The following NCAM2 variants were observed in gnomAD, a reference collection of about 807,000 sequenced individuals.
The protein encoded by NCAM2 is N-CAM-2.
A neutral mutation model predicts 98.1 loss-of-function variants in NCAM2; 30 were observed. That is an observed-to-expected ratio of 0.31 (90% CI 0.23 to 0.41). NCAM2 has a LOEUF of 0.41. NCAM2 is among the 10% of genes least tolerant of loss of function. The probability of loss-of-function intolerance (pLI) is 1.00; values close to 1 mark genes in which losing one functional copy is unlikely to be tolerated. For synonymous variants in NCAM2, 368 were observed against 342.4 expected (o/e 1.07, Z -0.83); for missense variants, 867 against 1,005.8 (o/e 0.86, Z 1.87).
intron 5 of NCAM2, 32 bp from the exon 6 acceptor site, chr21:21,324,351 C>T (rs1721919958): frequency 1.3e-6 from 2 of 1,511,662 alleles, no homozygotes; most frequent in Middle Eastern, 1.8e-4. Flanking sequence ...GTGTTTTCGT[C>T]TCTATTTATT....
chr21:21,454,728 G>A (rs1044763144), intron 12 of NCAM2, among the ~76,000 whole-genome samples: 3 of 151,894 alleles, frequency 2.0e-5, no homozygotes, highest in African/African-American at 7.2e-5. Flanking sequence ...TATACAAATA[G>A]GTCTGGCTAA....
At chr21:21,125,371 G>GTAATATATAATATTTTACATATATATA (rs1459111049) in intron 1 of NCAM2, among the ~76,000 whole-genome samples, 1 of 145,662 alleles carries the variant, frequency 6.9e-6, no homozygotes, top group African/African-American at 2.5e-5. Flanking sequence ...ACATATATAT[G>GTAATATATAATATTTTACATATATATA]TAATATATAA....
chr21:21,053,997 C>A (rs2065164501), intron 1 of NCAM2, among the ~76,000 whole-genome samples: 1 of 150,008 alleles, frequency 6.7e-6, no homozygotes, highest in Non-Finnish European at 1.5e-5. Flanking sequence ...GTTATGATTT[C>A]CGTGTAAGTT....
chr21:21,218,415 G>A (rs1011751200), intron 1 of NCAM2, among the ~76,000 whole-genome samples: 2 of 152,166 alleles, frequency 1.3e-5, no homozygotes, highest in African/African-American at 4.8e-5. Flanking sequence ...GTTAAAGGTT[G>A]TTGTAGGCAG....
intron 1 of NCAM2, among the ~76,000 whole-genome samples, chr21:21,001,849 TAC>T (rs546172967): frequency 5.6e-4 from 85 of 152,308 alleles, no homozygotes; most frequent in African/African-American, 2.0e-3. Flanking sequence ...GTCATCTGCT[TAC>T]AGTTATTCTC....
intron 15 of NCAM2, among the ~76,000 whole-genome samples, chr21:21,492,544 T>C (rs2146311554): frequency 6.6e-6 from 1 of 152,080 alleles, no homozygotes; most frequent in Non-Finnish European, 1.5e-5. Context: ...TTTTCATCAC[T>C]TTCTTGTTTT....
At chr21:21,374,392 T>G (rs551702194) in intron 9 of NCAM2, among the ~76,000 whole-genome samples, 27 of 152,068 alleles carry the variant, frequency 1.8e-4, no homozygotes, top group African/African-American at 6.5e-4. Flanking sequence ...TTACATTTCT[T>G]ATTCAAATTG....
intron 5 of NCAM2, among the ~76,000 whole-genome samples, chr21:21,308,163 G>A (rs1038653889): frequency 6.6e-6 from 1 of 151,912 alleles, no homozygotes; most frequent in Non-Finnish European, 1.5e-5. Flanking sequence ...TAATGTTAAA[G>A]TTATTAGAAA....
In NCAM2 at chr21:21,538,130, ATTG is replaced by A; in HGVS notation, c.*186_*188del. 14 of 384,632 alleles carry A rather than the reference ATTG, an allele frequency of 3.6e-5. No individual in the cohort carries two copies. The highest frequency in any genetic ancestry group is 6.2e-5 in the Non-Finnish European group (13 of 209,648). 23.8% of individuals were successfully genotyped at this position (384,632 alleles called of 1,614,324 possible). A position where few individuals can be genotyped will look rare whatever the true frequency, so the allele number is the denominator to read the frequency against. On this transcript the variant is annotated 3_prime_UTR_variant, in exon 18 of 18. Transcript: ENST00000400546. ...TGCCCATGATCCATTCCCTTTTGTT[ATTG>A]TTGTTGTTGTTGCTGTTGTTGTTAA...
At chr21:21,023,475 C>T (rs1418995984) in intron 1 of NCAM2, among the ~76,000 whole-genome samples, 2 of 150,396 alleles carry the variant, frequency 1.3e-5, no homozygotes, top group African/African-American at 2.5e-5. Flanking sequence ...AGTGAGCCAA[C>T]GTTGTGCCAC....
chr21:21,072,210 C>T (rs2065587745), intron 1 of NCAM2, among the ~76,000 whole-genome samples: 1 of 152,106 alleles, frequency 6.6e-6, no homozygotes, highest in Admixed American at 6.6e-5. Flanking sequence ...CAGCACCTGG[C>T]CTATTTGTAA....
At chr21:21,529,177 G>A (rs927782414) in intron 16 of NCAM2, among the ~76,000 whole-genome samples, 3 of 151,928 alleles carry the variant, frequency 2.0e-5, no homozygotes, top group Admixed American at 2.0e-4. Flanking sequence ...GGATCCAATG[G>A]TTATTGTGAG....
intron 15 of NCAM2, among the ~76,000 whole-genome samples, chr21:21,481,737 A>T (rs1447423970): frequency 6.6e-6 from 1 of 152,194 alleles, no homozygotes; most frequent in South Asian, 2.1e-4. Flanking sequence ...CCTCTAAACC[A>T]TGTAGCTGAT....
intron 12 of NCAM2, among the ~76,000 whole-genome samples, chr21:21,434,104 C>A (rs1272735213): frequency 1.3e-5 from 2 of 152,182 alleles, no homozygotes; most frequent in African/African-American, 4.8e-5. Flanking sequence ...TTTTATCTTA[C>A]CTGTCCATCT....
In NCAM2 at chr21:21,541,428, T is replaced by G. The variant is rs1247299223; in HGVS notation, c.*3471T>G. On this transcript the variant is annotated 3_prime_UTR_variant, in exon 18 of 18. Coordinates refer to ENST00000400546, the MANE Select transcript of NCAM2 (RefSeq NM_004540.5). ...TTTACTTTAATTCATGTCAAAACAATTCTTTTTATACACACACATGAAATA... is the reference window on the plus strand; with the variant it reads ...TTTACTTTAATTCATGTCAAAACAAGTCTTTTTATACACACACATGAAATA... 2 of 151,618 alleles carry G rather than the reference T, an allele frequency of 1.3e-5. No homozygotes were observed. The highest frequency in any genetic ancestry group is 4.1e-4 in the South Asian group (2 of 4,820). 9.4% of individuals were successfully genotyped at this position (151,618 alleles called of 1,614,324 possible). A position where few individuals can be genotyped will look rare whatever the true frequency, so the allele number is the denominator to read the frequency against.
At chr21:21,206,255 A>C (rs770725894) in intron 1 of NCAM2, among the ~76,000 whole-genome samples, 1 of 152,186 alleles carries the variant, frequency 6.6e-6, no homozygotes. Flanking sequence ...TTTTGTAATA[A>C]TAAATTCACC....
intron 12 of NCAM2, among the ~76,000 whole-genome samples, chr21:21,459,283 G>A (rs899402482): frequency 1.5e-4 from 23 of 151,778 alleles, no homozygotes; most frequent in African/African-American, 5.6e-4. Context: ...TAATTCAGCA[G>A]TCCCATATCT....
chr21:21,212,379 A>G (rs2069690183), intron 1 of NCAM2, among the ~76,000 whole-genome samples: 1 of 152,340 alleles, frequency 6.6e-6, no homozygotes, highest in East Asian at 1.9e-4. Flanking sequence ...TTGATTGTCA[A>G]TGGTTAGCAA....
chr21:21,167,044 G>A (rs1310639152), intron 1 of NCAM2, among the ~76,000 whole-genome samples: 3 of 152,046 alleles, frequency 2.0e-5, no homozygotes, highest in Non-Finnish European at 2.9e-5. Flanking sequence ...TATTAGTTTT[G>A]TTGTTTTATG....
Sources: gnomAD v4.1 joint callset for allele counts (sites outside exome capture counted in the v4.1 genomes callset) on GRCh38, gnomAD v4.1.1 for gene constraint, MANE v1.5 for transcripts, NCBI Gene and HGNC (gene_info 2026-07-23, HGNC 2026-07-21) for gene names.